The following OSBPL9 variants were observed in gnomAD, a reference collection of about 807,000 sequenced individuals.
The protein encoded by OSBPL9 is oxysterol-binding protein-related protein 9.
Under a neutral mutation model 106.6 loss-of-function variants are expected in OSBPL9, and 40 were observed. That is an observed-to-expected ratio of 0.38 (90% confidence interval 0.29 to 0.49). The LOEUF is 0.49. Ranked by LOEUF, OSBPL9 falls within the 20% of genes least tolerant of loss-of-function variation. OSBPL9 has a pLI of 0.97. For missense variants in OSBPL9, 609 were observed against 887.2 expected, an observed-to-expected ratio of 0.69 and a Z score of 3.98; for synonymous variants, 269 against 295.4, an observed-to-expected ratio of 0.91 and a Z score of 0.92.
intron 3 of OSBPL9, among the ~76,000 whole-genome samples, chr1:51,675,351 A>AAATT (rs796335507): frequency 7.2e-5 from 11 of 152,056 alleles, no homozygotes; most frequent in East Asian, 5.8e-4. Flanking sequence ...GAGAAGCCAG[A>AAATT]AATTAATTAA....
At chr1:51,628,359 A>G (rs537125171) in intron 1 of OSBPL9, among the ~76,000 whole-genome samples, 1 of 152,332 alleles carries the variant, frequency 6.6e-6, no homozygotes, top group East Asian at 1.9e-4. Context: ...GCAAATGAAC[A>G]AAAGATAACA....
chr1:51,741,367 T>G (rs760496257), intron 4 of OSBPL9, among the ~76,000 whole-genome samples: 1 of 151,934 alleles, frequency 6.6e-6, no homozygotes, highest in Non-Finnish European at 1.5e-5. Flanking sequence ...AGATTTTGCT[T>G]CTTTTCTTTC....
intron 17 of OSBPL9, 26 bp from the exon 18 acceptor site, chr1:51,783,889 T>C: frequency 2.0e-6 from 3 of 1,520,376 alleles, no homozygotes; most frequent in Non-Finnish European, 2.7e-6. Context: ...GTATATATAA[T>C]CTACTAATTG....
intron 1 of OSBPL9, among the ~76,000 whole-genome samples, chr1:51,627,090 A>C (rs79571316): frequency 0.011 from 1,641 of 152,174 alleles, 15 homozygotes; most frequent in Non-Finnish European, 0.016. Flanking sequence ...TAGCAGCCTC[A>C]AACTCCCAGG....
intron 2 of OSBPL9, among the ~76,000 whole-genome samples, chr1:51,660,712 T>C (rs1261070637): frequency 2.0e-5 from 3 of 152,244 alleles, no homozygotes; most frequent in Admixed American, 1.3e-4. Context: ...GCGTCTTCTT[T>C]AGTGAGCAGG....
Position 51,686,748 on chromosome 1 carries a change from C to T in OSBPL9, c.241+17236C>T, listed in dbSNP as rs552063593. Among the ~76,000 whole-genome samples, 126 of 152,252 alleles carry T rather than the reference C, an allele frequency of 8.3e-4. 1 individual carries two copies. The highest frequency in any genetic ancestry group is 4.6e-3 in the Admixed American group (70 of 15,296). ...CAGAGAAAGGCCTAGGGATGCTCCCCGTATGGATTTAAGGGTCAGGGAGTC... is the reference window on the plus strand; with the variant it reads ...CAGAGAAAGGCCTAGGGATGCTCCCTGTATGGATTTAAGGGTCAGGGAGTC... On this transcript the variant is annotated intron_variant, in intron 3 of 23. Transcript: ENST00000428468.
chr1:51,777,978 C>T lies in OSBPL9; in HGVS notation c.1256+1060C>T, dbSNP rs557174101. 1.8e-3 allele frequency among the ~76,000 whole-genome samples: 268 copies of T among 152,158 alleles called. 1 individual carries two copies. The highest frequency in any genetic ancestry group is 2.7e-3 in the Non-Finnish European group (187 of 68,002). The stretch of plus-strand genomic sequence containing the variant: ...GACCAGCCAGGGCAACACAGCACAA[C>T]CCTGTCCCTACAAAAAAAAATTTTT... On this transcript the variant is annotated intron_variant, in intron 15 of 23. Coordinates refer to ENST00000428468, the MANE Select transcript of OSBPL9 (RefSeq NM_024586.6).
At chr1:51,582,487 A>G (rs538191716) in intron 1 of OSBPL9, among the ~76,000 whole-genome samples, 5 of 151,990 alleles carry the variant, frequency 3.3e-5, no homozygotes, top group Admixed American at 6.6e-5. Context: ...ACCACCATGC[A>G]TGGCTAATTT....
chr1:51,768,140 A>C (rs936418614), intron 12 of OSBPL9, among the ~76,000 whole-genome samples: 2 of 151,648 alleles, frequency 1.3e-5, no homozygotes, highest in African/African-American at 4.8e-5. Flanking sequence ...ACGGGGTTTC[A>C]CCGTGTTAGC....
At chr1:51,682,164 A>G (rs1652702799) in intron 3 of OSBPL9, among the ~76,000 whole-genome samples, 1 of 152,126 alleles carries the variant, frequency 6.6e-6, no homozygotes, top group Non-Finnish European at 1.5e-5. Context: ...AGATCACGCC[A>G]CTGCATTCCA....
At chr1:51,636,791 A>ATAAT in intron 1 of OSBPL9, among the ~76,000 whole-genome samples, 1 of 151,684 alleles carries the variant, frequency 6.6e-6, no homozygotes. Context: ...CTCTACTTTA[A>ATAAT]AAATAAATAA....
the OSBPL9 span, among the ~76,000 whole-genome samples, chr1:51,527,014 G>C: frequency 6.6e-6 from 1 of 152,120 alleles, no homozygotes; most frequent in African/African-American, 2.4e-5. Flanking sequence ...AAAGTGCTGG[G>C]ATTACAGGCA....
chr1:51,726,308 G>A (rs1663108293), intron 4 of OSBPL9, among the ~76,000 whole-genome samples: 1 of 152,084 alleles, frequency 6.6e-6, no homozygotes, highest in Non-Finnish European at 1.5e-5. Flanking sequence ...TTTTCAGTTT[G>A]TTCAGTGTTT....
intron 1 of OSBPL9, among the ~76,000 whole-genome samples, chr1:51,619,448 A>C (rs991691230): frequency 6.6e-6 from 1 of 152,192 alleles, no homozygotes; most frequent in Non-Finnish European, 1.5e-5. Context: ...ATAGGGTTTA[A>C]AAAAATACTT....
intron 4 of OSBPL9, among the ~76,000 whole-genome samples, chr1:51,741,776 C>A (rs528569129): frequency 3.6e-4 from 55 of 152,114 alleles, no homozygotes; most frequent in African/African-American, 1.3e-3. Flanking sequence ...ACATCACAGA[C>A]CATTTTGTCT....
chr1:51,716,049 T>C (rs1044489214), intron 4 of OSBPL9, among the ~76,000 whole-genome samples: 8 of 152,230 alleles, frequency 5.3e-5, no homozygotes, highest in African/African-American at 9.7e-5. Context: ...AGATCCAATA[T>C]TGGAATTTTT....
chr1:51,648,267 TAGAC>T (rs2148695803), intron 1 of OSBPL9, among the ~76,000 whole-genome samples: 1 of 152,338 alleles, frequency 6.6e-6, no homozygotes, highest in Admixed American at 6.5e-5. Context: ...GGCATTGGCT[TAGAC>T]AGATTTGCTT....
At chr1:51,614,121 A>G (rs1030901505), upstream of OSBPL9, among the ~76,000 whole-genome samples, 5 of 152,130 alleles carry the variant, frequency 3.3e-5, no homozygotes, top group Non-Finnish European at 5.9e-5. Context: ...CCTTATTCCC[A>G]GAAACCTTTA....
At chr1:51,589,164 C>T (rs1165458804) in intron 1 of OSBPL9, among the ~76,000 whole-genome samples, 1 of 152,076 alleles carries the variant, frequency 6.6e-6, no homozygotes, top group Admixed American at 6.5e-5. Context: ...TCTCAACTCA[C>T]TGCAGCCTTG....
Sources: allele counts gnomAD v4.1 joint callset (sites outside exome capture counted in the v4.1 genomes callset), GRCh38; gene constraint gnomAD v4.1.1; transcripts MANE v1.5; gene names NCBI Gene and HGNC (gene_info 2026-07-23, HGNC 2026-07-21).